Variants in CTNNA3 observed in about 807,000 individuals in gnomAD.
CTNNA3 encodes catenin alpha-3.
In CTNNA3, 76 loss-of-function variants were observed where a neutral mutation model predicts 95.7. The observed-to-expected ratio is 0.79, with a 90% confidence interval of 0.66 to 0.96. CTNNA3 has a LOEUF of 0.96. Ranked by LOEUF, CTNNA3 falls within the 40% of genes least tolerant of loss-of-function variation. The probability of loss-of-function intolerance (pLI) is 0.00; values close to 1 mark genes in which losing one functional copy is unlikely to be tolerated. For synonymous variants in CTNNA3, 431 were observed against 374.4 expected, an observed-to-expected ratio of 1.15 and a Z score of -1.74; for missense variants, 1,191 against 1,089.8, an observed-to-expected ratio of 1.09 and a Z score of -1.31.
chr10:66,777,587 C>T (rs1840354551), intron 7 of CTNNA3, among the ~76,000 whole-genome samples: 1 of 152,050 alleles, frequency 6.6e-6, no homozygotes, highest in African/African-American at 2.4e-5. Context: ...CTATACAGGA[C>T]AATGGCATAA....
intron 6 of CTNNA3, among the ~76,000 whole-genome samples, chr10:67,180,745 G>A (rs1862499865): frequency 6.6e-6 from 1 of 152,044 alleles, no homozygotes; most frequent in African/African-American, 2.4e-5. Context: ...AGACAGACCT[G>A]GATTCAAATC....
intron 7 of CTNNA3, among the ~76,000 whole-genome samples, chr10:67,093,904 G>A (rs1051227611): frequency 1.3e-5 from 2 of 151,858 alleles, no homozygotes; most frequent in African/African-American, 4.8e-5. Context: ...TGAAAGGGAC[G>A]GATAATCTCT....
chr10:66,982,690 G>T (rs1486346876), intron 7 of CTNNA3, among the ~76,000 whole-genome samples: 1 of 152,134 alleles, frequency 6.6e-6, no homozygotes, highest in Non-Finnish European at 1.5e-5. Context: ...AATAGATAAG[G>T]TCAGATGGCA....
intron 1 of CTNNA3, among the ~76,000 whole-genome samples, chr10:67,672,855 T>C (rs1474360167): frequency 1.3e-5 from 2 of 152,262 alleles, no homozygotes; most frequent in Non-Finnish European, 2.9e-5. Context: ...TCTTTTTTGG[T>C]TCCATATGAA....
intron 17 of CTNNA3, among the ~76,000 whole-genome samples, chr10:65,963,920 C>T (rs1010204797): frequency 6.6e-6 from 1 of 152,154 alleles, no homozygotes; most frequent in Admixed American, 6.5e-5. Flanking sequence ...CACCTCAGAC[C>T]CAGAACAGAA....
intron 15 of CTNNA3, among the ~76,000 whole-genome samples, chr10:66,003,869 C>A (rs2078825105): frequency 6.6e-6 from 1 of 152,218 alleles, no homozygotes; most frequent in African/African-American, 2.4e-5. Flanking sequence ...GAACTGCACA[C>A]CTTTTGCACT....
intron 7 of CTNNA3, among the ~76,000 whole-genome samples, chr10:66,832,149 T>C (rs1589306618): frequency 6.6e-6 from 1 of 152,136 alleles, no homozygotes; most frequent in South Asian, 2.1e-4. Flanking sequence ...AGACATAATA[T>C]TTCTATAAGT....
chr10:66,866,725 T>A (rs972079977), intron 7 of CTNNA3, among the ~76,000 whole-genome samples: 1 of 152,164 alleles, frequency 6.6e-6, no homozygotes, highest in Non-Finnish European at 1.5e-5. Context: ...GTTTAAATGA[T>A]GAAATTTCAT....
intron 3 of CTNNA3, among the ~76,000 whole-genome samples, chr10:67,574,009 G>A (rs945450380): frequency 6.6e-6 from 1 of 152,152 alleles, no homozygotes; most frequent in Non-Finnish European, 1.5e-5. Context: ...AAGGCTAATT[G>A]ATAATTTTCC....
intron 7 of CTNNA3, chr10:67,099,209 T>G (rs1444694107): frequency 6.6e-6 from 1 of 151,810 alleles, no homozygotes; most frequent in African/African-American, 2.4e-5. Context: ...TCAAATCAAA[T>G]TAAGAAAACC....
intron 5 of CTNNA3, among the ~76,000 whole-genome samples, chr10:67,232,733 A>T (rs1210980970): frequency 6.6e-6 from 1 of 151,960 alleles, no homozygotes; most frequent in Non-Finnish European, 1.5e-5. Context: ...ATAAAGAATC[A>T]AGACCCATCA....
intron 1 of CTNNA3, among the ~76,000 whole-genome samples, chr10:67,743,452 C>A (rs1046248334): frequency 6.6e-6 from 1 of 151,174 alleles, no homozygotes; most frequent in Admixed American, 6.6e-5. Context: ...AATTCAACAA[C>A]GCTTCATGCT....
chr10:67,307,710 C>T (rs1840614020), intron 5 of CTNNA3, among the ~76,000 whole-genome samples: 1 of 152,138 alleles, frequency 6.6e-6, no homozygotes, highest in African/African-American at 2.4e-5. Flanking sequence ...CTTTCTAAGA[C>T]TGAGTGTACA....
chr10:66,584,872 C>A (rs1274932927), intron 10 of CTNNA3, among the ~76,000 whole-genome samples: 1 of 152,038 alleles, frequency 6.6e-6, no homozygotes, highest in Non-Finnish European at 1.5e-5. Context: ...TCTCATAGAG[C>A]TGGTTTAGTA....
At chr10:67,333,368 T>C (rs528392382) in intron 5 of CTNNA3, among the ~76,000 whole-genome samples, 33 of 152,330 alleles carry the variant, frequency 2.2e-4, no homozygotes, top group African/African-American at 6.0e-4. Context: ...CTGTTATTGC[T>C]GTTATTAGAT....
chr10:67,128,683 G>A (rs1321383001), intron 7 of CTNNA3, among the ~76,000 whole-genome samples: 2 of 152,066 alleles, frequency 1.3e-5, no homozygotes, highest in Non-Finnish European at 2.9e-5. Flanking sequence ...CATTAAGTGA[G>A]GTAGAAATCA....
intron 15 of CTNNA3, among the ~76,000 whole-genome samples, chr10:66,028,368 G>A (rs530956986): frequency 4.0e-4 from 61 of 152,246 alleles, no homozygotes; most frequent in African/African-American, 1.4e-3. Context: ...ATGATAGACT[G>A]GATTAAGAAA....
chr10:66,142,673 A>G (rs1370658617), intron 13 of CTNNA3, among the ~76,000 whole-genome samples: 1 of 152,120 alleles, frequency 6.6e-6, no homozygotes, highest in African/African-American at 2.4e-5. Context: ...TGTGACAGCA[A>G]TTAAACAACC....
chr10:66,196,906 G>A (rs2086992140), intron 13 of CTNNA3, among the ~76,000 whole-genome samples: 4 of 152,196 alleles, frequency 2.6e-5, no homozygotes, highest in Admixed American at 2.6e-4. Context: ...TGGGGGCCCA[G>A]TAGACAGATG....
Sources: allele counts gnomAD v4.1 joint callset (sites outside exome capture counted in the v4.1 genomes callset), GRCh38; gene constraint gnomAD v4.1.1; transcripts MANE v1.5; gene names NCBI Gene and HGNC (gene_info 2026-07-23, HGNC 2026-07-21).